The following MAPK10 variants were observed in gnomAD, a reference collection of about 807,000 sequenced individuals.
MAPK10 encodes the protein mitogen-activated protein kinase 10.
In MAPK10, 25 loss-of-function variants were observed where a neutral mutation model predicts 59.3. The observed-to-expected ratio is 0.42, with a 90% CI of 0.31 to 0.59. The LOEUF is 0.59. Among genes scored for constraint, MAPK10 ranks in the 20% least tolerant of loss-of-function variants. MAPK10 has a pLI of 0.15. For synonymous variants in MAPK10, 190 were observed against 200.5 expected, an observed-to-expected ratio of 0.95 and a Z score of 0.44; for missense variants, 351 against 568.9, an observed-to-expected ratio of 0.62 and a Z score of 3.90.
chr4:86,041,118 A>G (rs2148939385), intron 11 of MAPK10: 1 of 152,338 alleles, frequency 6.6e-6, no homozygotes, highest in Admixed American at 6.5e-5. Flanking sequence ...CTATATCTTT[A>G]CCATGAAGGT....
chr4:86,538,969 T>C (rs113269305), intron 1 of MAPK10, among the ~76,000 whole-genome samples: 75 of 152,296 alleles, frequency 4.9e-4, no homozygotes, highest in African/African-American at 1.6e-3. Flanking sequence ...TTTTCACTTA[T>C]CAAATTAAAA....
chr4:86,143,071 T>A (rs2149184581), intron 4 of MAPK10, among the ~76,000 whole-genome samples: 1 of 152,248 alleles, frequency 6.6e-6, no homozygotes, highest in East Asian at 1.9e-4. Flanking sequence ...CTCAGGAAAC[T>A]TACAATCATG....
chr4:86,399,574 T>TA (rs1401678552), intron 1 of MAPK10, among the ~76,000 whole-genome samples: 1 of 152,222 alleles, frequency 6.6e-6, no homozygotes, highest in Non-Finnish European at 1.5e-5. Context: ...TCTACTTTTA[T>TA]ATTATGACCA....
chr4:86,222,975 A>T (rs1002101650), intron 2 of MAPK10, among the ~76,000 whole-genome samples: 1 of 152,172 alleles, frequency 6.6e-6, no homozygotes, highest in African/African-American at 2.4e-5. Flanking sequence ...AGGCCTCATC[A>T]CCTTGGTTAA....
At chr4:86,185,529 T>G (rs1428380080) in intron 3 of MAPK10, among the ~76,000 whole-genome samples, 1 of 152,118 alleles carries the variant, frequency 6.6e-6, no homozygotes, top group East Asian at 1.9e-4. Context: ...TCTCTTTTGT[T>G]TTAGTTTTAG....
intron 1 of MAPK10, among the ~76,000 whole-genome samples, chr4:86,543,778 A>G (rs1758916926): frequency 6.6e-6 from 1 of 152,148 alleles, no homozygotes; most frequent in South Asian, 2.1e-4. Context: ...AAAAACAGGA[A>G]CGGGAATGTT....
chr4:86,151,272 C>T (rs933778227), intron 4 of MAPK10, among the ~76,000 whole-genome samples: 4 of 152,082 alleles, frequency 2.6e-5, no homozygotes, highest in Admixed American at 2.0e-4. Context: ...GGAGGTAAGA[C>T]CTTCTGTAAA....
rs913764704 is a variant in MAPK10 at position 86,039,375 on chromosome 4, G to A, written c.1111-7944C>T. Among the ~76,000 whole-genome samples, 5 of 152,280 alleles carry A rather than the reference G, an allele frequency of 3.3e-5. No homozygotes were observed. The East Asian group carries it at 9.6e-4, about 29-fold the overall frequency. ...AGATACCCTCCACATGATGGTAGGA[G>A]AAGGAAGTGAGCATCAGACTTTGCC... On this transcript the variant is annotated intron_variant, in intron 11 of 13. Transcript: ENST00000641462.
intron 9 of MAPK10, among the ~76,000 whole-genome samples, chr4:86,096,265 A>G (rs1241962794): frequency 1.3e-5 from 2 of 151,820 alleles, no homozygotes; most frequent in Non-Finnish European, 2.9e-5. Flanking sequence ...AAATTTTTCT[A>G]AAACAAACTA....
intron 2 of MAPK10, among the ~76,000 whole-genome samples, chr4:86,298,869 C>A (rs996387266): frequency 2.6e-5 from 4 of 152,098 alleles, no homozygotes; most frequent in Admixed American, 1.3e-4. Flanking sequence ...CTGTAGAGAA[C>A]CAGGTAGGAA....
chr4:86,095,001 CTA>C, intron 9 of MAPK10: 1 of 151,488 alleles, frequency 6.6e-6, no homozygotes, highest in South Asian at 2.1e-4. Flanking sequence ...AATCATAAAA[CTA>C]TAGTGAAAAT....
At chr4:86,096,849 G>A (rs2054311359) in intron 9 of MAPK10, among the ~76,000 whole-genome samples, 1 of 151,910 alleles carries the variant, frequency 6.6e-6, no homozygotes, top group Non-Finnish European at 1.5e-5. Flanking sequence ...ATCTAATGGT[G>A]AAAATGATAC....
rs183153990 is a variant in MAPK10, at chr4:86,436,950, T to C, written c.-122+16080A>G. Reference sequence around the variant, plus strand: ...ATGTTTGGCCAGGCCTGGTGGCTCATGCCTGTAATCCCAGCACTTTGGGAG... The same window carrying C: ...ATGTTTGGCCAGGCCTGGTGGCTCACGCCTGTAATCCCAGCACTTTGGGAG... On this transcript the variant is annotated intron_variant, in intron 1 of 13. Transcript: ENST00000361569. Among the ~76,000 whole-genome samples, 943 of 152,244 alleles carry C rather than the reference T, an allele frequency of 6.2e-3. 9 individuals carry two copies. Among genetic ancestry groups the C allele is most frequent in the African/African-American group, 0.012 (491 of 41,542 alleles).
intron 2 of MAPK10, among the ~76,000 whole-genome samples, chr4:86,225,695 T>C (rs559317882): frequency 1.2e-4 from 18 of 152,350 alleles, no homozygotes; most frequent in African/African-American, 3.6e-4. Flanking sequence ...ATATCACTTA[T>C]TGCTATTTTA....
chr4:86,028,203 T>C (rs1751298217), intron 13 of MAPK10: 1 of 152,148 alleles, frequency 6.6e-6, no homozygotes, highest in South Asian at 2.1e-4. Context: ...TGTCAATCTG[T>C]ATGCGAGGGT....
At chr4:86,540,038 T>C (rs1296266852) in intron 1 of MAPK10, among the ~76,000 whole-genome samples, 1 of 152,222 alleles carries the variant, frequency 6.6e-6, no homozygotes, top group Non-Finnish European at 1.5e-5. Context: ...GGTTTTTTCC[T>C]TTTCACAAAT....
chr4:86,487,247 A>C lies in MAPK10; in HGVS notation c.-263+106663T>G, dbSNP rs570307649. On this transcript the variant is annotated intron_variant, in intron 1 of 4. Coordinates refer to the MAPK10 transcript ENST00000502302. ...TAAATTTTATAAATTTGACAACTGT[A>C]TTATGGTAATGTAAGAGGATACCTT... 2.6e-5 allele frequency among the ~76,000 whole-genome samples: 4 copies of C among 152,286 alleles called. No homozygotes were observed. In the South Asian group the frequency reaches 6.2e-4, roughly 24 times the overall value.
intron 9 of MAPK10, among the ~76,000 whole-genome samples, chr4:86,087,003 A>C (rs1167735788): frequency 1.3e-5 from 2 of 152,166 alleles, no homozygotes; most frequent in East Asian, 3.9e-4. Flanking sequence ...AGCTCCATAA[A>C]GGACTTCATA....
chr4:86,500,685 C>T (rs1018204844), intron 1 of MAPK10, among the ~76,000 whole-genome samples: 2 of 152,036 alleles, frequency 1.3e-5, no homozygotes, highest in Admixed American at 1.3e-4. Context: ...CTAACCTTTC[C>T]TCCAGTGTGT....
Sources: allele counts gnomAD v4.1 joint callset (sites outside exome capture counted in the v4.1 genomes callset), GRCh38; gene constraint gnomAD v4.1.1; transcripts MANE v1.5; gene names NCBI Gene and HGNC (gene_info 2026-07-23, HGNC 2026-07-21).